RANBP2: variants seen among roughly 807,000 people sequenced by gnomAD.
RANBP2 encodes E3 SUMO-protein ligase RanBP2.
In RANBP2, 57 loss-of-function variants were observed where a neutral mutation model predicts 303.6. The ratio of observed to expected loss-of-function variants is 0.19; its 90% confidence interval spans 0.15 to 0.23. RANBP2 has a LOEUF of 0.23. Ranked by LOEUF, RANBP2 falls within the 10% of genes least tolerant of loss-of-function variation. The pLI is 1.00. For missense variants in RANBP2, 3,138 were observed against 3,780.8 expected (o/e 0.83, Z 4.46); for synonymous variants, 1,167 against 1,301.5 (o/e 0.90, Z 2.23).
chr2:108,859,134 T>A, the RANBP2 span, among the ~76,000 whole-genome samples: 1 of 152,230 alleles, frequency 6.6e-6, no homozygotes, highest in Non-Finnish European at 1.5e-5. Flanking sequence ...GGTTTTGGTT[T>A]GCATTTCAAA....
chr2:109,386,259 C>G, the RANBP2 span, among the ~76,000 whole-genome samples: 1 of 152,216 alleles, frequency 6.6e-6, no homozygotes, highest in East Asian at 1.9e-4. Flanking sequence ...GGCCTAGCCC[C>G]TGTGGATCTC....
the RANBP2 span, among the ~76,000 whole-genome samples, chr2:109,455,504 T>C: frequency 6.8e-6 from 1 of 146,722 alleles, no homozygotes; most frequent in South Asian, 2.2e-4. Context: ...ATTAAATATA[T>C]GTATATCTCA....
the RANBP2 span, among the ~76,000 whole-genome samples, chr2:109,514,665 G>C: frequency 6.6e-6 from 1 of 152,214 alleles, no homozygotes; most frequent in Non-Finnish European, 1.5e-5. Flanking sequence ...CTCAGGTGTG[G>C]CTACAGCCTG....
At chr2:109,562,972 A>G in the RANBP2 span, among the ~76,000 whole-genome samples, 2 of 151,422 alleles carry the variant, frequency 1.3e-5, no homozygotes, top group East Asian at 3.9e-4. Flanking sequence ...GTGCAGTGGC[A>G]CGATCTCAGC....
chr2:109,060,141 G>T, the RANBP2 span, among the ~76,000 whole-genome samples: 2 of 152,102 alleles, frequency 1.3e-5, no homozygotes, highest in Non-Finnish European at 2.9e-5. Context: ...GGAGAATTTT[G>T]CAGTGAGCCA....
chr2:109,630,303 C>T, the RANBP2 span, among the ~76,000 whole-genome samples: 1 of 152,246 alleles, frequency 6.6e-6, no homozygotes, highest in East Asian at 1.9e-4. Flanking sequence ...CTTTGACAGG[C>T]AAACAAACCA....
the RANBP2 span, among the ~76,000 whole-genome samples, chr2:108,863,906 T>G: frequency 1.3e-5 from 2 of 152,250 alleles, no homozygotes; most frequent in Non-Finnish European, 2.9e-5. Flanking sequence ...TATTTGCTAC[T>G]GGTCTCTGAA....
chr2:109,540,722 G>A, the RANBP2 span, among the ~76,000 whole-genome samples: 1 of 148,112 alleles, frequency 6.8e-6, no homozygotes, highest in Admixed American at 6.8e-5. Context: ...GACTGCTGGA[G>A]ACCAGGAGTT....
the RANBP2 span, among the ~76,000 whole-genome samples, chr2:109,226,105 C>T: frequency 6.6e-6 from 1 of 152,196 alleles, no homozygotes; most frequent in African/African-American, 2.4e-5. Context: ...GGCTAAATCA[C>T]TTGTTAATTT....
the RANBP2 span, among the ~76,000 whole-genome samples, chr2:109,293,269 C>T: frequency 6.6e-6 from 1 of 151,996 alleles, no homozygotes; most frequent in African/African-American, 2.4e-5. Flanking sequence ...GGAAAGCCTT[C>T]TGCTAAAAAT....
At chr2:109,184,616 T>C in the RANBP2 span, among the ~76,000 whole-genome samples, 7 of 152,192 alleles carry the variant, frequency 4.6e-5, no homozygotes, top group East Asian at 1.4e-3. Context: ...CTCCTGTGCC[T>C]CCATGGGCTT....
chr2:109,175,181 A>C, the RANBP2 span, among the ~76,000 whole-genome samples: 1 of 152,286 alleles, frequency 6.6e-6, no homozygotes, highest in East Asian at 1.9e-4. Context: ...ATTGGAGTCC[A>C]TCATTTCAGA....
the RANBP2 span, among the ~76,000 whole-genome samples, chr2:109,471,731 A>G: frequency 6.6e-6 from 1 of 152,198 alleles, no homozygotes; most frequent in Non-Finnish European, 1.5e-5. Flanking sequence ...TCTCAGCCTC[A>G]CATACCTAAT....
the RANBP2 span, among the ~76,000 whole-genome samples, chr2:109,676,736 G>A: frequency 6.6e-6 from 1 of 152,310 alleles, no homozygotes; most frequent in African/African-American, 2.4e-5. Flanking sequence ...ATAGCACAGT[G>A]TGAATTTTGA....
chr2:109,734,139 A>G, the RANBP2 span, among the ~76,000 whole-genome samples: 1 of 149,078 alleles, frequency 6.7e-6, no homozygotes, highest in Admixed American at 6.8e-5. Context: ...AGATCATGCC[A>G]TTGCACTCCA....
the RANBP2 span, among the ~76,000 whole-genome samples, chr2:109,656,694 G>A: frequency 2.0e-5 from 3 of 152,200 alleles, no homozygotes; most frequent in South Asian, 2.1e-4. Context: ...TATCATATAC[G>A]ATTATGTCTG....
chr2:109,076,763 G>A, the RANBP2 span, among the ~76,000 whole-genome samples: 1 of 150,448 alleles, frequency 6.6e-6, no homozygotes, highest in Non-Finnish European at 1.5e-5. Flanking sequence ...GAAATGGAAC[G>A]ATATCTCATC....
chr2:109,440,373 G>A, the RANBP2 span, among the ~76,000 whole-genome samples: 13 of 152,298 alleles, frequency 8.5e-5, no homozygotes, highest in Admixed American at 7.2e-4. Flanking sequence ...AGAAAGACCC[G>A]CAGTGAAGCC....
At chr2:109,496,853 A>G in the RANBP2 span, among the ~76,000 whole-genome samples, 1 of 152,374 alleles carries the variant, frequency 6.6e-6, no homozygotes, top group South Asian at 2.1e-4. Context: ...ACCCGGGATT[A>G]TCCAGGTGGG....
Sources: allele counts gnomAD v4.1 joint callset (sites outside exome capture counted in the v4.1 genomes callset), GRCh38; gene constraint gnomAD v4.1.1; transcripts MANE v1.5; gene names NCBI Gene and HGNC (gene_info 2026-07-23, HGNC 2026-07-21).